CABLES2: variants seen among roughly 807,000 people sequenced by gnomAD.
CABLES2 encodes CDK5 and ABL1 enzyme substrate 2.
In CABLES2, 35 loss-of-function variants were observed where a neutral mutation model predicts 44.8. The ratio of observed to expected loss-of-function variants is 0.78; its 90% CI spans 0.60 to 1.04. The LOEUF (loss-of-function observed/expected upper bound fraction) is 1.04. Among genes scored for constraint, CABLES2 ranks in the 50% least tolerant of loss-of-function variants. The probability of loss-of-function intolerance (pLI) is 0.00; values close to 1 mark genes in which losing one functional copy is unlikely to be tolerated. For synonymous variants in CABLES2, 282 were observed against 281.1 expected (o/e 1.00, Z -0.03); for missense variants, 566 against 615.7 (o/e 0.92, Z 0.85).
Position 62,393,594 on chromosome 20 carries a change from A to G in CABLES2, c.726T>C (p.Tyr242=), listed in dbSNP as rs1256073389. The change falls in exon 6 of 10, where the codon TAT becomes TAC. Residue 242 remains tyrosine, a synonymous_variant. Coordinates refer to ENST00000279101, the MANE Select transcript of CABLES2 (RefSeq NM_031215.3). The stretch of plus-strand genomic sequence containing the variant: ...CGTTGGTGGGATACAGGAACTTCGC[A>G]TAAGACACGACCTGGAAAAGCAAAT... ...ELGADGKVVS[Y]AKFLYPTNAL... is the part of the protein sequence containing the mutation. 7 of 1,591,782 alleles carry G rather than the reference A, an allele frequency of 4.4e-6. No homozygotes were observed. The highest frequency in any genetic ancestry group is 4.0e-5 in the African/African-American group (3 of 74,316).
intron 1 of CABLES2, among the ~76,000 whole-genome samples, chr20:62,398,134 T>TGGTGATGGTGGTGGTGGTGGTGAC (rs1988096433): frequency 1.7e-4 from 21 of 123,342 alleles, no homozygotes; most frequent in South Asian, 8.5e-4. Context: ...GTTATGACGG[T>TGGTGATGGTGGTGGTGGTGGTGAC]GGTGATGGTG....
Position 62,394,820 on chromosome 20 carries a change from G to A in CABLES2, c.605+117C>T, listed in dbSNP as rs533957370. On this transcript the variant is annotated intron_variant, in intron 4 of 9. Coordinates refer to ENST00000279101, the MANE Select transcript of CABLES2 (RefSeq NM_031215.3). The stretch of plus-strand genomic sequence containing the variant: ...GACATGCTGAGCCTCGCATGAGCCC[G>A]GGGGCAGCCGCACCTGGGGGCGCAG... The A allele has an allele frequency of 6.0e-5, 52 of 863,546 alleles. 1 individual carries two copies. In the South Asian group the frequency reaches 7.9e-4, roughly 13 times the overall value. The allele number at this position is 863,546 out of a possible 1,614,324, so 53.5% of individuals were successfully genotyped here. A position where few individuals can be genotyped will look rare whatever the true frequency, so the allele number is the denominator to read the frequency against.
chr20:62,397,113 A>G (rs1601474701), intron 1 of CABLES2, among the ~76,000 whole-genome samples: 1 of 151,746 alleles, frequency 6.6e-6, no homozygotes, highest in East Asian at 1.9e-4. Flanking sequence ...ACCAGCCACA[A>G]CCTCCCACCT....
At position 62,391,502 on chromosome 20, in the gene CABLES2, G is replaced by GCCTCCTCAGCCCC; in HGVS notation, c.1092-50_1092-49insGGGGCTGAGGAGG. 1 of 1,588,702 alleles carries GCCTCCTCAGCCCC rather than the reference G, an allele frequency of 6.3e-7. No individual in the cohort carries two copies. Among genetic ancestry groups the GCCTCCTCAGCCCC allele is most frequent in the Non-Finnish European group, 8.6e-7 (1 of 1,159,516 alleles). ...GTCCCTGGGGGCTCTGGCTGGGGCT[G>GCCTCCTCAGCCCC]AGGAGGCAGCCCCCTGCCACCACCA... On this transcript the variant is annotated intron_variant, in intron 8 of 9. Transcript: ENST00000279101. The surrounding 1 kb of genome is among the most constrained non-coding windows in gnomAD (Gnocchi z 5.7).
At chr20:62,401,697 G>A (rs1216796796) in intron 1 of CABLES2, among the ~76,000 whole-genome samples, 4 of 152,226 alleles carry the variant, frequency 2.6e-5, no homozygotes, top group Non-Finnish European at 5.9e-5. Context: ...CGCCACACGG[G>A]TTGAGAGGCT....
rs531941270 is a variant in CABLES2 at position 62,390,900 on chromosome 20, G to C, written c.*71C>G. 1.0e-4 allele frequency: 158 copies of C among 1,581,124 alleles called. 7 individuals are homozygous for C. In the South Asian group the frequency reaches 1.7e-3, roughly 17 times the overall value. On this transcript the variant is annotated 3_prime_UTR_variant, in exon 10 of 10. Transcript: ENST00000279101. ...TGGGGGTGCTGGCAGGAGGAGGCGC[G>C]GGGCTTCAGTGGGACACCTCCCAGG...
chr20:62,402,010 G>A (rs1481462860), intron 1 of CABLES2, among the ~76,000 whole-genome samples: 3 of 152,150 alleles, frequency 2.0e-5, no homozygotes, highest in African/African-American at 7.2e-5. Context: ...AGGAGGCCCC[G>A]CTCCTGCTCA....
At position 62,388,789 on chromosome 20, in the gene CABLES2, T is replaced by C; in HGVS notation, c.*2182A>G. 1 of 425,686 alleles carries C rather than the reference T, an allele frequency of 2.3e-6. No individual in the cohort carries two copies. Among genetic ancestry groups the C allele is most frequent in the Non-Finnish European group, 4.3e-6 (1 of 234,410 alleles). 26.4% of individuals were successfully genotyped at this position (425,686 alleles called of 1,614,324 possible). On this transcript the variant is annotated 3_prime_UTR_variant, in exon 10 of 10. Coordinates refer to ENST00000279101, the MANE Select transcript of CABLES2 (RefSeq NM_031215.3). ...GGAAGCAACGCCAGGCCTGGTTCTG[T>C]ATAGTCACAGCCGAGCTGAACACCT...
Position 62,390,847 on chromosome 20 carries a change from AG to A in CABLES2, c.*123del. The A allele has an allele frequency of 1.7e-6, 2 of 1,148,548 alleles. No homozygotes were observed. The highest frequency in any genetic ancestry group is 2.8e-5 in the South Asian group (2 of 70,362). The allele number at this position is 1,148,548 out of a possible 1,614,324, so 71.1% of individuals were successfully genotyped here. On this transcript the variant is annotated 3_prime_UTR_variant, in exon 10 of 10. Coordinates refer to ENST00000279101, the MANE Select transcript of CABLES2 (RefSeq NM_031215.3). ...GCAAAAAGGAAAGCTGCACCAGCGG[AG>A]GCCAGGTGCCTCCTGCTAGCAGGTG...
rs892623467 is a variant in CABLES2 at position 62,396,168 on chromosome 20, G to T, written c.527+147C>A. ...CTGATGTGGAGCAAGCAGTGTGGTG[G>T]GGAGGAGGGCCCACCTCTAGAGGTG... is the stretch of plus-strand genomic sequence containing the variant. On this transcript the variant is annotated intron_variant, in intron 3 of 9. Coordinates refer to ENST00000279101, the MANE Select transcript of CABLES2 (RefSeq NM_031215.3). The surrounding 1 kb of genome is among the most constrained non-coding windows in gnomAD (Gnocchi z 5.7). 7 of 702,116 alleles carry T rather than the reference G, an allele frequency of 1.0e-5. No homozygotes were observed. The highest frequency in any genetic ancestry group is 8.8e-5 in the African/African-American group (5 of 56,620). The allele number at this position is 702,116 out of a possible 1,614,324, so 43.5% of individuals were successfully genotyped here.
In CABLES2 at chr20:62,391,829, C is replaced by T. The variant is rs1987924403; in HGVS notation, c.1092-376G>A. Reference sequence around the variant, plus strand: ...GCCAGGGTATTGAGTGAGCTGCCCTCTGGAACACTGGGGCAGAGGCCGGCA... The same window carrying T: ...GCCAGGGTATTGAGTGAGCTGCCCTTTGGAACACTGGGGCAGAGGCCGGCA... On this transcript the variant is annotated intron_variant, in intron 8 of 9. Transcript: ENST00000279101. This position sits in a 1 kb window ranked among gnomAD's most constrained non-coding sequence, Gnocchi z 5.7. Among the ~76,000 whole-genome samples the T allele has an allele frequency of 6.6e-6, 1 of 152,016 alleles. No homozygotes were observed. Among genetic ancestry groups the T allele is most frequent in the Non-Finnish European group, 1.5e-5 (1 of 67,994 alleles).
Position 62,394,290 on chromosome 20 carries a change from G to A in CABLES2, c.606-25C>T, listed in dbSNP as rs753479345. On this transcript the variant is annotated intron_variant, in intron 4 of 9. Coordinates refer to ENST00000279101, the MANE Select transcript of CABLES2 (RefSeq NM_031215.3). Reference sequence around the variant, plus strand: ...ACTGCAAACATGGGAGAGGCAAGGGGCTGTGGTCTGCGCTGAACTCAGGCT... The same window carrying A: ...ACTGCAAACATGGGAGAGGCAAGGGACTGTGGTCTGCGCTGAACTCAGGCT... The A allele has an allele frequency of 7.5e-5, 119 of 1,588,774 alleles. 1 individual carries two copies. In the East Asian group the frequency reaches 2.1e-3, roughly 27 times the overall value.
Position 62,406,957 on chromosome 20 carries a change from G to A in CABLES2, c.320C>T (p.Thr107Met), listed in dbSNP as rs568248844. Residue 107 changes from threonine to methionine, a missense_variant, in exon 1 of 10, where the codon ACG becomes ATG. By Grantham distance (81) the Thr-to-Met change is moderately conservative (BLOSUM62 -1). Coordinates refer to ENST00000279101, the MANE Select transcript of CABLES2 (RefSeq NM_031215.3). ...CAGGCCGAGGCCGGTGGGCACCTGCGTGGGGCTGAGCAGGCCCTGGGGCGC... is the reference window on the plus strand; with the variant it reads ...CAGGCCGAGGCCGGTGGGCACCTGCATGGGGCTGAGCAGGCCCTGGGGCGC... ...TPAPQGLLSP[T>M]QVPTGLGLDG... The A allele has an allele frequency of 2.5e-6, 3 of 1,215,242 alleles. No homozygotes were observed. Among genetic ancestry groups the A allele is most frequent in the Non-Finnish European group, 1.0e-6 (1 of 976,982 alleles). The allele number at this position is 1,215,242 out of a possible 1,614,324, so 75.3% of individuals were successfully genotyped here.
In CABLES2 at chr20:62,391,323, C is replaced by T. The variant is rs143971422; in HGVS notation, c.1222G>A (p.Ala408Thr). The T allele has an allele frequency of 8.6e-5, 138 of 1,613,290 alleles. No homozygotes were observed. In the African/African-American group the frequency reaches 1.5e-3, roughly 18 times the overall value. Residue 408 changes from alanine (A) to threonine (T), a missense_variant, in exon 9 of 10, where the codon GCT (alanine) becomes ACT (threonine). Transcript: ENST00000279101. This position sits in a 1 kb window ranked among gnomAD's most constrained non-coding sequence, Gnocchi z 5.7. ...KLSKQNRKLC[A>T]GACVLLAAKI... Reference sequence around the variant, plus strand: ...GCAGCCAGCAGCACGCAGGCGCCAGCGCACAGCTTGCGGTTCTGTTTGCTG... The same window carrying T: ...GCAGCCAGCAGCACGCAGGCGCCAGTGCACAGCTTGCGGTTCTGTTTGCTG...
intron 4 of CABLES2, 62 bp downstream of exon 4, chr20:62,394,875 A>G (rs2146420449): frequency 6.7e-7 from 1 of 1,487,406 alleles, no homozygotes; most frequent in Non-Finnish European, 9.2e-7. Context: ...GGCCTGGCCG[A>G]GACCAGGCCT....
Position 62,390,551 on chromosome 20 carries a change from A to T in CABLES2, c.*420T>A, listed in dbSNP as rs537683335. On this transcript the variant is annotated 3_prime_UTR_variant, in exon 10 of 10. Coordinates refer to ENST00000279101, the MANE Select transcript of CABLES2 (RefSeq NM_031215.3). ...CATTCCAGTGTGTTCAGTGAGGTCT[A>T]GAAACCCAGATCTCCACCCTGACGC... is the stretch of plus-strand genomic sequence containing the variant. 1 of 197,262 alleles carries T rather than the reference A, an allele frequency of 5.1e-6. No homozygotes were observed. The highest frequency in any genetic ancestry group is 1.0e-4 in the South Asian group (1 of 9,682). 12.2% of individuals were successfully genotyped at this position (197,262 alleles called of 1,614,324 possible).
At position 62,398,262 on chromosome 20, in the gene CABLES2, TG is replaced by T. The variant is rs1334399807; in HGVS notation, c.363-1671del. 6.8e-4 allele frequency among the ~76,000 whole-genome samples: 88 copies of T among 128,688 alleles called. No homozygotes were observed. The East Asian group carries it at 7.7e-3, about 11-fold the overall frequency. The allele number at this position is 128,688 out of a possible 152,430, so 84.4% of individuals were successfully genotyped here. A position where few individuals can be genotyped will look rare whatever the true frequency, so the allele number is the denominator to read the frequency against. On this transcript the variant is annotated intron_variant, in intron 1 of 9. Coordinates refer to ENST00000279101, the MANE Select transcript of CABLES2 (RefSeq NM_031215.3). ...GTGATGATGGTGATGGTGGTGGTGA[TG>T]GTGATGGCGGTGGTGGTGGTGGTGA...
chr20:62,394,021 A>G (rs1478698800), intron 5 of CABLES2, 136 bp downstream of exon 5: 2 of 734,050 alleles, frequency 2.7e-6, no homozygotes, highest in East Asian at 2.6e-5. Flanking sequence ...ACGGGCCCGC[A>G]TCCACTCCAC....
Position 62,393,521 on chromosome 20 carries a change from G to A in CABLES2, c.799C>T (p.Arg267Trp), listed in dbSNP as rs370103781. ...SDSHGLLPTP[R>W]PSVPRTLPGS... ...GGCAGAGTCCGGGGGACACTGGGCCGAGGTGTGGGCAGCAGGCCATGGCTG... is the reference window on the plus strand; with the variant it reads ...GGCAGAGTCCGGGGGACACTGGGCCAAGGTGTGGGCAGCAGGCCATGGCTG... Residue 267 changes from arginine to tryptophan, a missense_variant, in exon 6 of 10, where the codon CGG becomes TGG. By Grantham distance (101) the Arg-to-Trp change is moderately radical (BLOSUM62 -3). Around this residue, in one of 2 missense-constraint regions of CABLES2, gnomAD observed 436 missense variants for 536.3 expected, o/e 0.81. Coordinates refer to ENST00000279101, the MANE Select transcript of CABLES2 (RefSeq NM_031215.3). 25 of 1,613,448 alleles carry A rather than the reference G, an allele frequency of 1.5e-5. No individual in the cohort carries two copies. The highest frequency in any genetic ancestry group is 2.0e-5 in the Non-Finnish European group (24 of 1,179,710).
Sources: gnomAD v4.1 joint callset for allele counts (sites outside exome capture counted in the v4.1 genomes callset) on GRCh38, gnomAD v4.1.1 for gene constraint, gnomAD v4.1.1 regional missense constraint, Gnocchi (gnomAD v3.1) non-coding constraint, MANE v1.5 for transcripts, NCBI Gene and HGNC (gene_info 2026-07-23, HGNC 2026-07-21) for gene names.